The following PITPNC1 variants were observed in gnomAD, a reference collection of about 807,000 sequenced individuals.
The protein encoded by PITPNC1 is cytoplasmic phosphatidylinositol transfer protein 1.
A neutral mutation model predicts 44.7 loss-of-function variants in PITPNC1; 18 were observed. The observed-to-expected ratio is 0.40, with a 90% confidence interval of 0.28 to 0.60. PITPNC1 has a LOEUF of 0.60. PITPNC1 is among the 20% of genes least tolerant of loss of function. The pLI is 0.39. For missense variants in PITPNC1, 290 were observed against 418.4 expected, an observed-to-expected ratio of 0.69 and a Z score of 2.68; for synonymous variants, 141 against 149.6, an observed-to-expected ratio of 0.94 and a Z score of 0.42.
chr17:67,499,418 T>C (rs938244880), intron 1 of PITPNC1, among the ~76,000 whole-genome samples: 17 of 152,008 alleles, frequency 1.1e-4, no homozygotes, highest in African/African-American at 4.1e-4. Context: ...GGTCTCACCA[T>C]GTTGCCCAGG....
chr17:67,423,796 C>G (rs1393219334), intron 1 of PITPNC1, among the ~76,000 whole-genome samples: 1 of 152,072 alleles, frequency 6.6e-6, no homozygotes, highest in Non-Finnish European at 1.5e-5. Flanking sequence ...TGTCCTGAAG[C>G]CAGGAGGGAA....
chr17:67,472,588 A>C (rs2039557146), intron 1 of PITPNC1, among the ~76,000 whole-genome samples: 2 of 151,176 alleles, frequency 1.3e-5, no homozygotes, highest in African/African-American at 4.9e-5. Flanking sequence ...AGGAGTTTGC[A>C]GTAAGCCGAG....
chr17:67,583,787 C>G (rs1055701447), intron 5 of PITPNC1, among the ~76,000 whole-genome samples: 1 of 150,722 alleles, frequency 6.6e-6, no homozygotes, highest in Non-Finnish European at 1.5e-5. Context: ...CTCCGGCCTT[C>G]CAGGTTCACG....
intron 1 of PITPNC1, among the ~76,000 whole-genome samples, chr17:67,420,283 C>T (rs2038651776): frequency 1.3e-5 from 2 of 152,120 alleles, no homozygotes; most frequent in African/African-American, 4.8e-5. Context: ...TAAAGAATCT[C>T]AATGTGTGAC....
At chr17:67,630,872 C>T (rs2041957007) in intron 5 of PITPNC1, among the ~76,000 whole-genome samples, 1 of 151,248 alleles carries the variant, frequency 6.6e-6, no homozygotes, top group Admixed American at 6.6e-5. Flanking sequence ...GCATCACGCC[C>T]GGCTAATTTT....
intron 1 of PITPNC1, among the ~76,000 whole-genome samples, chr17:67,497,919 G>A (rs946954329): frequency 6.6e-6 from 1 of 150,760 alleles, no homozygotes; most frequent in Non-Finnish European, 1.5e-5. Context: ...GGAGTGCAGT[G>A]GTTCAATCTT....
intron 5 of PITPNC1, among the ~76,000 whole-genome samples, chr17:67,590,257 T>G (rs541818757): frequency 1.4e-4 from 21 of 152,250 alleles, no homozygotes; most frequent in Middle Eastern, 3.4e-3. Context: ...TGAACCTAAC[T>G]GTATTTTAAA....
intron 6 of PITPNC1, among the ~76,000 whole-genome samples, chr17:67,639,981 G>A (rs1178986399): frequency 1.3e-5 from 2 of 152,108 alleles, no homozygotes; most frequent in African/African-American, 4.8e-5. Flanking sequence ...GGCCTTTGAG[G>A]GTGGTAAAGA....
chr17:67,451,206 AT>A (rs2039170434), intron 1 of PITPNC1, among the ~76,000 whole-genome samples: 1 of 151,764 alleles, frequency 6.6e-6, no homozygotes, highest in Admixed American at 6.6e-5. Flanking sequence ...TAATATTTGT[AT>A]TTTTAGTAGA....
intron 6 of PITPNC1, among the ~76,000 whole-genome samples, chr17:67,659,122 C>T (rs1375184337): frequency 6.6e-6 from 1 of 152,178 alleles, no homozygotes; most frequent in Non-Finnish European, 1.5e-5. Flanking sequence ...AAGAACAAAG[C>T]AGCATTCATT....
chr17:67,629,408 G>A (rs922907081), intron 5 of PITPNC1, among the ~76,000 whole-genome samples: 1 of 152,188 alleles, frequency 6.6e-6, no homozygotes, highest in South Asian at 2.1e-4. Flanking sequence ...AAGTAGCTGG[G>A]ATTACAGGCA....
chr17:67,668,920 C>T (rs907622009), intron 6 of PITPNC1, among the ~76,000 whole-genome samples: 1 of 152,086 alleles, frequency 6.6e-6, no homozygotes, highest in African/African-American at 2.4e-5. Flanking sequence ...ATATAATTCA[C>T]CCTTTTAAAT....
At chr17:67,490,392 G>C (rs929667204) in intron 1 of PITPNC1, among the ~76,000 whole-genome samples, 5 of 151,770 alleles carry the variant, frequency 3.3e-5, no homozygotes, top group African/African-American at 1.2e-4. Context: ...TTTAAAATTA[G>C]GGCATAGATT....
intron 1 of PITPNC1, among the ~76,000 whole-genome samples, chr17:67,486,764 C>T (rs1489612766): frequency 6.6e-6 from 1 of 152,136 alleles, no homozygotes; most frequent in Non-Finnish European, 1.5e-5. Flanking sequence ...ATCCAGGAAA[C>T]CTCCTCCTCT....
intron 6 of PITPNC1, among the ~76,000 whole-genome samples, chr17:67,649,476 C>T (rs1217371431): frequency 6.6e-6 from 1 of 152,178 alleles, no homozygotes; most frequent in East Asian, 1.9e-4. Context: ...TCTGTGTCTC[C>T]AACCAGTTCA....
chr17:67,583,024 T>C (rs924564580), intron 5 of PITPNC1, among the ~76,000 whole-genome samples: 1 of 152,230 alleles, frequency 6.6e-6, no homozygotes, highest in African/African-American at 2.4e-5. Context: ...CACATTGGAT[T>C]CACCTGAGAA....
intron 1 of PITPNC1, among the ~76,000 whole-genome samples, chr17:67,439,076 G>A (rs896737337): frequency 1.3e-5 from 2 of 152,218 alleles, no homozygotes; most frequent in African/African-American, 4.8e-5. Context: ...GGTTGGTTTC[G>A]GACACACAGT....
chr17:67,656,469 CCTTAA>C (rs1338089163), intron 6 of PITPNC1, among the ~76,000 whole-genome samples: 2 of 152,232 alleles, frequency 1.3e-5, no homozygotes, highest in African/African-American at 4.8e-5. Flanking sequence ...ATCTCAAGAC[CCTTAA>C]CTTAATTACA....
chr17:67,472,375 C>T (rs988421663), intron 1 of PITPNC1, among the ~76,000 whole-genome samples: 4 of 127,678 alleles, frequency 3.1e-5, no homozygotes, highest in Non-Finnish European at 4.9e-5. Flanking sequence ...GGACCGGGTG[C>T]GGTGGCTCAC....
Sources: gnomAD v4.1 joint callset for allele counts (sites outside exome capture counted in the v4.1 genomes callset) on GRCh38, gnomAD v4.1.1 for gene constraint, MANE v1.5 for transcripts, NCBI Gene and HGNC (gene_info 2026-07-23, HGNC 2026-07-21) for gene names.